Variants in ACTR3B observed in about 807,000 individuals in gnomAD.
ACTR3B encodes actin-related protein 3B.
ACTR3B carries 8 observed loss-of-function variants against 59.0 expected under a neutral mutation model. The observed-to-expected ratio is 0.14, with a 90% CI of 0.08 to 0.24. ACTR3B has a LOEUF of 0.24. ACTR3B is among the 10% of genes least tolerant of loss of function. ACTR3B has a pLI of 1.00. For missense variants in ACTR3B, 245 were observed against 552.3 expected, an observed-to-expected ratio of 0.44 and a Z score of 5.58; for synonymous variants, 148 against 197.9, an observed-to-expected ratio of 0.75 and a Z score of 2.12.
At chr7:152,800,041 G>A (rs1354164070) in intron 2 of ACTR3B, among the ~76,000 whole-genome samples, 1 of 151,918 alleles carries the variant, frequency 6.6e-6, no homozygotes, top group African/African-American at 2.4e-5. Flanking sequence ...CCTTTTAATG[G>A]GATAAATTTT....
At chr7:152,785,376 TGA>T (rs1232317531) in intron 2 of ACTR3B, among the ~76,000 whole-genome samples, 22 of 5,324 alleles carry the variant, frequency 4.1e-3, no homozygotes, top group African/African-American at 0.011. Flanking sequence ...GAGTTTGTTG[TGA>T]GGGGGGGGGG....
At position 152,852,071 on chromosome 7, in the gene ACTR3B, C is replaced by T. The variant is rs561116208; in HGVS notation, c.952-55C>T. On this transcript the variant is annotated intron_variant, in intron 9 of 11. Coordinates refer to ENST00000256001, the MANE Select transcript of ACTR3B (RefSeq NM_020445.6). ...TGGGAGTTCTGTTGTGGGTGGTTCCCGGAACTGTGGGCGGGCGGTTTTACC... is the reference window on the plus strand; with the variant it reads ...TGGGAGTTCTGTTGTGGGTGGTTCCTGGAACTGTGGGCGGGCGGTTTTACC... 166 of 1,612,836 alleles carry T rather than the reference C, an allele frequency of 1.0e-4. No homozygotes were observed. The African/African-American group carries it at 1.3e-3, about 13-fold the overall frequency.
intron 2 of ACTR3B, among the ~76,000 whole-genome samples, chr7:152,798,421 T>C (rs2098224603): frequency 6.6e-6 from 1 of 152,202 alleles, no homozygotes; most frequent in Non-Finnish European, 1.5e-5. Flanking sequence ...TTTATATATT[T>C]TGATTATTAA....
chr7:152,763,313 C>CAAAAAAA (rs925259822), intron 1 of ACTR3B, among the ~76,000 whole-genome samples: 2 of 20,508 alleles, frequency 9.8e-5, no homozygotes, highest in African/African-American at 1.6e-4. Context: ...GACTCCATCT[C>CAAAAAAA]AAAAAAAAAA....
chr7:152,852,032 A>G (rs537773364), intron 9 of ACTR3B, 94 bp from the exon 10 acceptor site: 263 of 1,536,198 alleles, frequency 1.7e-4, no homozygotes, highest in Non-Finnish European at 2.2e-4. Context: ...CGTGCCCACA[A>G]GCGATTGGAC....
chr7:152,854,377 G>A lies in ACTR3B; in HGVS notation c.1162-81G>A. Reference sequence around the variant, plus strand: ...GAGGGTGGAGGCCGGGATGAGGAGAGTGTCTTGCCTGCTTGGTAGCTGGTT... The same window carrying A: ...GAGGGTGGAGGCCGGGATGAGGAGAATGTCTTGCCTGCTTGGTAGCTGGTT... On this transcript the variant is annotated intron_variant, in intron 11 of 11. Transcript: ENST00000256001. This position sits in a 1 kb window ranked among gnomAD's most constrained non-coding sequence, Gnocchi z 4.9. The A allele has an allele frequency of 4.6e-6, 6 of 1,294,394 alleles. No homozygotes were observed. In the Admixed American group the frequency reaches 5.1e-5, roughly 11 times the overall value. 80.2% of individuals were successfully genotyped at this position (1,294,394 alleles called of 1,614,324 possible). A position where few individuals can be genotyped will look rare whatever the true frequency, so the allele number is the denominator to read the frequency against.
chr7:152,789,023 A>AAACAACAAC (rs71182042), intron 2 of ACTR3B, among the ~76,000 whole-genome samples: 2,583 of 146,278 alleles, frequency 0.018, 8 homozygotes, highest in South Asian at 0.03. Flanking sequence ...CGCTGTCTCA[A>AAACAACAAC]AACAACAACA....
chr7:152,832,285 G>A (rs774446405), intron 9 of ACTR3B, among the ~76,000 whole-genome samples: 8 of 152,198 alleles, frequency 5.3e-5, no homozygotes, highest in Non-Finnish European at 1.0e-4. Context: ...GTCTAGTTTG[G>A]TGGAGATGTT....
chr7:152,783,496 AAGTATAT>A (rs1264196864), intron 2 of ACTR3B, among the ~76,000 whole-genome samples: 18 of 151,632 alleles, frequency 1.2e-4, no homozygotes, highest in African/African-American at 4.4e-4. Flanking sequence ...TGCCTAGAAA[AAGTATAT>A]CTGGTCTTTA....
At chr7:152,843,436 GA>G in intron 9 of ACTR3B, among the ~76,000 whole-genome samples, 1 of 152,190 alleles carries the variant, frequency 6.6e-6, no homozygotes, top group Non-Finnish European at 1.5e-5. Context: ...ATTTGTTGAA[GA>G]AGACTGTTAT....
chr7:152,777,016 G>A (rs10272412), intron 1 of ACTR3B, among the ~76,000 whole-genome samples: 3,146 of 152,130 alleles, frequency 0.021, 73 homozygotes, highest in African/African-American at 0.071. Context: ...GTGCTTCACC[G>A]AACATTTTTG....
At chr7:152,807,514 T>C (rs1455537424) in intron 4 of ACTR3B, among the ~76,000 whole-genome samples, 1 of 152,130 alleles carries the variant, frequency 6.6e-6, no homozygotes, top group Non-Finnish European at 1.5e-5. Flanking sequence ...ATTTCGAGTC[T>C]TTTTTACTTA....
chr7:152,762,503 G>GTT (rs1369870534), intron 1 of ACTR3B, among the ~76,000 whole-genome samples: 1 of 152,160 alleles, frequency 6.6e-6, no homozygotes, highest in Non-Finnish European at 1.5e-5. Context: ...TTCCTGCACT[G>GTT]TTTGAGAGTA....
chr7:152,833,968 C>T (rs1007076998), intron 9 of ACTR3B, among the ~76,000 whole-genome samples: 4 of 152,056 alleles, frequency 2.6e-5, no homozygotes, highest in East Asian at 1.9e-4. Flanking sequence ...CAAGGTGTGC[C>T]GTGAGACGGG....
intron 2 of ACTR3B, among the ~76,000 whole-genome samples, chr7:152,791,726 A>G (rs2098196894): frequency 6.6e-6 from 1 of 152,234 alleles, no homozygotes; most frequent in African/African-American, 2.4e-5. Flanking sequence ...CTATTCCTAT[A>G]TAATTACACT....
At chr7:152,790,046 G>A (rs2098190138) in intron 2 of ACTR3B, among the ~76,000 whole-genome samples, 1 of 132,188 alleles carries the variant, frequency 7.6e-6, no homozygotes, top group Admixed American at 8.3e-5. Flanking sequence ...AGGCTGGAGT[G>A]TAGTGGCTTG....
At chr7:152,774,262 G>A (rs1343814193) in intron 1 of ACTR3B, among the ~76,000 whole-genome samples, 4 of 152,148 alleles carry the variant, frequency 2.6e-5, no homozygotes, top group South Asian at 2.1e-4. Context: ...TCAGCCTCCC[G>A]AGTAGCTGGG....
At chr7:152,761,883 C>A (rs1259892746) in intron 1 of ACTR3B, among the ~76,000 whole-genome samples, 6 of 152,046 alleles carry the variant, frequency 3.9e-5, no homozygotes, top group African/African-American at 1.2e-4. Flanking sequence ...AGGAAGTCAC[C>A]CTGAGCTTTA....
At chr7:152,853,419 T>G in intron 10 of ACTR3B, 75 bp from the exon 11 acceptor site, 1 of 1,414,962 alleles carries the variant, frequency 7.1e-7, no homozygotes, top group Non-Finnish European at 9.9e-7. Context: ...GCAGCTGTGG[T>G]CTCGTCAGCC....
Sources: allele counts gnomAD v4.1 joint callset (sites outside exome capture counted in the v4.1 genomes callset), GRCh38; gene constraint gnomAD v4.1.1; non-coding constraint Gnocchi (gnomAD v3.1); transcripts MANE v1.5; gene names NCBI Gene and HGNC (gene_info 2026-07-23, HGNC 2026-07-21).